Variants in DOCK8 observed in about 807,000 individuals in gnomAD.
The protein encoded by DOCK8 is dedicator of cytokinesis protein 8.
In DOCK8, 141 loss-of-function variants were observed where a neutral mutation model predicts 245.6. The ratio of observed to expected loss-of-function variants is 0.57; its 90% confidence interval spans 0.50 to 0.66. The LOEUF is 0.66. Ranked by LOEUF, DOCK8 falls within the 30% of genes least tolerant of loss-of-function variation. DOCK8 has a pLI of 0.00. For missense variants in DOCK8, 2,965 were observed against 2,603.4 expected, an observed-to-expected ratio of 1.14 and a Z score of -3.02; for synonymous variants, 1,168 against 970.2, an observed-to-expected ratio of 1.20 and a Z score of -3.79.
At chr9:330,614 C>A (rs531927662) in intron 9 of DOCK8, among the ~76,000 whole-genome samples, 13 of 151,994 alleles carry the variant, frequency 8.6e-5, no homozygotes, top group Non-Finnish European at 1.6e-4. Context: ...CTACCCTGTA[C>A]CTGACATACC....
At chr9:400,827 T>TCACCATCACCACCACCTC (rs1564015667) in intron 26 of DOCK8, among the ~76,000 whole-genome samples, 12 of 3,066 alleles carry the variant, frequency 3.9e-3, no homozygotes, top group Admixed American at 7.4e-3. Context: ...ACCTCCACCA[T>TCACCATCACCACCACCTC]CACCATCACC....
At chr9:384,334 C>T (rs1216014480) in intron 22 of DOCK8, among the ~76,000 whole-genome samples, 1 of 152,152 alleles carries the variant, frequency 6.6e-6, no homozygotes, top group Non-Finnish European at 1.5e-5. Flanking sequence ...GATCTGTGGC[C>T]TCAGGGTGGC....
chr9:448,313 G>T (rs1313642613), intron 44 of DOCK8, among the ~76,000 whole-genome samples: 1 of 152,136 alleles, frequency 6.6e-6, no homozygotes, highest in Non-Finnish European at 1.5e-5. Context: ...TTACTTTGTT[G>T]CCCAGTCTGG....
intron 1 of DOCK8, among the ~76,000 whole-genome samples, chr9:244,276 C>CCACA (rs149153053): frequency 3.6e-4 from 54 of 149,904 alleles, no homozygotes; most frequent in African/African-American, 1.3e-3. Context: ...ATTCCCCCCA[C>CCACA]CACACACACA....
intron 7 of DOCK8, among the ~76,000 whole-genome samples, chr9:325,399 T>C (rs567227101): frequency 6.6e-6 from 1 of 152,308 alleles, no homozygotes; most frequent in South Asian, 2.1e-4. Context: ...GCCCACTCTC[T>C]CTTGCAGTGA....
intron 4 of DOCK8, among the ~76,000 whole-genome samples, chr9:290,015 C>CAT (rs2048974348): frequency 6.6e-6 from 1 of 152,186 alleles, no homozygotes; most frequent in Non-Finnish European, 1.5e-5. Flanking sequence ...TTACTGTCTC[C>CAT]ATAATTCCAC....
At chr9:365,649 G>A (rs761440569) in intron 14 of DOCK8, 106 of 454,456 alleles carry the variant, frequency 2.3e-4, no homozygotes, top group South Asian at 1.3e-3. Context: ...CTTTGAGGTC[G>A]ATGCAATTAT....
intron 1 of DOCK8, among the ~76,000 whole-genome samples, chr9:228,014 G>A (rs2047027052): frequency 6.6e-6 from 1 of 152,124 alleles, no homozygotes; most frequent in Admixed American, 6.6e-5. Context: ...CTCTGAATTA[G>A]CAGTTTTAGC....
In DOCK8 at chr9:420,845, G is replaced by A. The variant is rs2056245627; in HGVS notation, c.4024-104G>A. The A allele has an allele frequency of 4.0e-6, 6 of 1,508,222 alleles. No homozygotes were observed. In the African/African-American group the frequency reaches 8.2e-5, roughly 21 times the overall value. The allele number at this position is 1,508,222 out of a possible 1,614,324, so 93.4% of individuals were successfully genotyped here. On this transcript the variant is annotated intron_variant, in intron 31 of 47. Transcript: ENST00000432829. ...AGAGCAGCATCTCAGTGAAGCACAT[G>A]TCAAACTTAGCTGGCATCACTGTGG...
At chr9:215,520 C>T (rs2046730116) in intron 1 of DOCK8, 2 of 1,325,560 alleles carry the variant, frequency 1.5e-6, no homozygotes, top group African/African-American at 1.5e-5. Flanking sequence ...CCGTCCTCGC[C>T]TGCTTCATTA....
At chr9:371,589 A>T (rs780625744) in intron 17 of DOCK8, 23 bp downstream of exon 17, 2 of 1,613,896 alleles carry the variant, frequency 1.2e-6, no homozygotes, top group Admixed American at 1.7e-5. Flanking sequence ...CAGCCTGCTG[A>T]CTCACACTGC....
At chr9:304,745 T>C (rs746976829) in intron 5 of DOCK8, 41 bp downstream of exon 5, 8 of 1,613,468 alleles carry the variant, frequency 5.0e-6, no homozygotes, top group Non-Finnish European at 6.8e-6. Context: ...GTTACTGGGC[T>C]CTTCTGCCCA....
intron 1 of DOCK8, among the ~76,000 whole-genome samples, chr9:232,783 C>G (rs189938595): frequency 6.6e-6 from 1 of 152,212 alleles, no homozygotes; most frequent in East Asian, 1.9e-4. Context: ...TGATTCTTCT[C>G]TCTTTTCTTC....
intron 33 of DOCK8, among the ~76,000 whole-genome samples, chr9:425,742 G>A (rs2056472795): frequency 4.9e-5 from 7 of 142,070 alleles, no homozygotes; most frequent in African/African-American, 1.3e-4. Context: ...GGGTGATAGA[G>A]CAAGACCCTG....
chr9:349,039 G>A (rs758807297), intron 14 of DOCK8, among the ~76,000 whole-genome samples: 2 of 152,156 alleles, frequency 1.3e-5, no homozygotes, highest in East Asian at 1.9e-4. Flanking sequence ...GTCGGGAATC[G>A]TCTTATACTT....
At chr9:304,754 C>T in intron 5 of DOCK8, 50 bp downstream of exon 5, 1 of 1,613,520 alleles carries the variant, frequency 6.2e-7, no homozygotes, top group Non-Finnish European at 8.5e-7. Context: ...CTCTTCTGCC[C>T]AGGGCATGCT....
At chr9:391,302 C>G (rs1453327379) in intron 24 of DOCK8, among the ~76,000 whole-genome samples, 1 of 152,164 alleles carries the variant, frequency 6.6e-6, no homozygotes, top group African/African-American at 2.4e-5. Context: ...CTATTTATTT[C>G]TTTCCTAGTG....
intron 33 of DOCK8, among the ~76,000 whole-genome samples, chr9:426,394 C>T (rs2131687605): frequency 6.6e-6 from 1 of 152,278 alleles, no homozygotes; most frequent in East Asian, 1.9e-4. Context: ...GCTGACTCTC[C>T]CCTGACTTGG....
At chr9:422,755 C>G (rs2056325740) in intron 33 of DOCK8, among the ~76,000 whole-genome samples, 1 of 152,070 alleles carries the variant, frequency 6.6e-6, no homozygotes, top group Admixed American at 6.6e-5. Context: ...GAGGCTGAGG[C>G]CGGTGGAACA....
Sources: allele counts gnomAD v4.1 joint callset (sites outside exome capture counted in the v4.1 genomes callset), GRCh38; gene constraint gnomAD v4.1.1; transcripts MANE v1.5; gene names NCBI Gene and HGNC (gene_info 2026-07-23, HGNC 2026-07-21).